Variants in CUX1 observed in about 807,000 individuals in gnomAD.
CUX1 encodes protein CASP.
In CUX1, 31 loss-of-function variants were observed where a neutral mutation model predicts 158.8. The ratio of observed to expected loss-of-function variants is 0.20; its 90% confidence interval spans 0.15 to 0.26. The LOEUF is 0.26. Ranked by LOEUF, CUX1 falls within the 10% of genes least tolerant of loss-of-function variation. The probability of loss-of-function intolerance (pLI) is 1.00; values close to 1 mark genes in which losing one functional copy is unlikely to be tolerated. For missense variants in CUX1, 1,589 were observed against 2,014.6 expected (o/e 0.79, Z 4.04); for synonymous variants, 879 against 862.1 (o/e 1.02, Z -0.34).
Position 102,252,367 on chromosome 7 carries a change from G to A in CUX1, c.*3325G>A. On this transcript the variant is annotated 3_prime_UTR_variant, in exon 24 of 24. Coordinates refer to ENST00000292535, the MANE Select transcript of CUX1 (RefSeq NM_181552.4). Reference sequence around the variant, plus strand: ...CTTCAGCAGGCTGGCATTCCAAGCAGTGGCCCCCGCAGGCAGCCGACCCCC... The same window carrying A: ...CTTCAGCAGGCTGGCATTCCAAGCAATGGCCCCCGCAGGCAGCCGACCCCC... The A allele has an allele frequency of 1.0e-6, 1 of 985,524 alleles. No individual in the cohort carries two copies. The highest frequency in any genetic ancestry group is 1.2e-6 in the Non-Finnish European group (1 of 830,014). 61.0% of individuals were successfully genotyped at this position (985,524 alleles called of 1,614,324 possible). A position where few individuals can be genotyped will look rare whatever the true frequency, so the allele number is the denominator to read the frequency against.
chr7:102,239,241 C>G, intron 22 of CUX1, 79 bp from the exon 23 acceptor site: 5 of 1,476,040 alleles, frequency 3.4e-6, no homozygotes, highest in South Asian at 1.3e-5. Flanking sequence ...GGCACTGTGC[C>G]GTCCCGCTAG....
intron 3 of CUX1, among the ~76,000 whole-genome samples, chr7:102,066,958 G>A (rs1212785572): frequency 6.6e-6 from 1 of 152,144 alleles, no homozygotes; most frequent in Non-Finnish European, 1.5e-5. Flanking sequence ...ATACACACAC[G>A]CGTTTTAAGC....
intron 8 of CUX1, among the ~76,000 whole-genome samples, chr7:102,151,373 T>C (rs898280983): frequency 5.9e-5 from 9 of 151,998 alleles, no homozygotes; most frequent in African/African-American, 1.9e-4. Flanking sequence ...GCCAACACGA[T>C]AAAACCCCGT....
intron 1 of CUX1, among the ~76,000 whole-genome samples, chr7:101,898,424 G>A (rs994747057): frequency 4.6e-5 from 7 of 152,126 alleles, no homozygotes; most frequent in South Asian, 2.1e-4. Flanking sequence ...GGCAGCCGCC[G>A]GGACGGGGAA....
At position 102,251,109 on chromosome 7, in the gene CUX1, G is replaced by T; in HGVS notation, c.*2067G>T. ...ATTTACAAGATGTAGTTGTCATACT[G>T]TATATTACTGATTGAAAACTTTTTG... On this transcript the variant is annotated 3_prime_UTR_variant, in exon 24 of 24. Coordinates refer to ENST00000292535, the MANE Select transcript of CUX1 (RefSeq NM_181552.4). The T allele has an allele frequency of 7.1e-6, 7 of 985,236 alleles. No individual in the cohort carries two copies. Among genetic ancestry groups the T allele is most frequent in the Non-Finnish European group, 8.4e-6 (7 of 829,830 alleles). 61.0% of individuals were successfully genotyped at this position (985,236 alleles called of 1,614,324 possible).
rs1453350140 is a variant in CUX1 at position 101,817,735 on chromosome 7, G to T, written c.30+66G>T. The T allele has an allele frequency of 1.3e-6, 2 of 1,535,706 alleles. No homozygotes were observed. The highest frequency in any genetic ancestry group is 2.5e-5 in the East Asian group (1 of 40,568). On this transcript the variant is annotated intron_variant, in intron 1 of 23. Transcript: ENST00000292535. The surrounding 1 kb of genome is among the most constrained non-coding windows in gnomAD (Gnocchi z 4.1). The stretch of plus-strand genomic sequence containing the variant: ...CGGAGGGAACCGGGGATGTCGGGGG[G>T]TGCCCGGGTCCCGCGGCTTAGAATG...
chr7:102,067,703 G>A (rs1825700250), intron 3 of CUX1, among the ~76,000 whole-genome samples: 1 of 151,766 alleles, frequency 6.6e-6, no homozygotes, highest in Non-Finnish European at 1.5e-5. Context: ...TAATAATGGG[G>A]GAGGGGGTTA....
chr7:102,245,087 G>A (rs1800663439), intron 23 of CUX1, among the ~76,000 whole-genome samples: 1 of 152,216 alleles, frequency 6.6e-6, no homozygotes, highest in Non-Finnish European at 1.5e-5. Context: ...CTGTCGCCGA[G>A]GCTGGAGTGC....
chr7:102,241,754 T>C (rs1173444035), intron 23 of CUX1, among the ~76,000 whole-genome samples: 1 of 152,238 alleles, frequency 6.6e-6, no homozygotes, highest in Non-Finnish European at 1.5e-5. Flanking sequence ...TTCCCCACAA[T>C]GGCAGCCCTG....
rs184828734 is a variant in CUX1, at chr7:102,149,847, G to A, written c.675-8713G>A. Among the ~76,000 whole-genome samples the A allele has an allele frequency of 1.7e-3, 254 of 152,142 alleles. 1 individual carries two copies. Among genetic ancestry groups the A allele is most frequent in the African/African-American group, 6.0e-3 (247 of 41,502 alleles). On this transcript the variant is annotated intron_variant, in intron 8 of 23. Transcript: ENST00000292535. ...CTCAGAGCCTGGCCCTGTCTCCACC[G>A]CTTCAGCAACCTGCTCTTTCTGGAC...
intron 2 of CUX1, among the ~76,000 whole-genome samples, chr7:101,948,465 T>G (rs1485073171): frequency 6.6e-6 from 1 of 152,186 alleles, no homozygotes; most frequent in Non-Finnish European, 1.5e-5. Flanking sequence ...GTCGAGCCTT[T>G]AAAATAAGGG....
chr7:101,987,307 T>G (rs1814440429), intron 2 of CUX1, among the ~76,000 whole-genome samples: 1 of 152,116 alleles, frequency 6.6e-6, no homozygotes, highest in African/African-American at 2.4e-5. Context: ...AATGTGGAAC[T>G]CCCCAAGCTA....
chr7:102,184,380 C>T (rs1414744113), intron 11 of CUX1, among the ~76,000 whole-genome samples: 1 of 152,168 alleles, frequency 6.6e-6, no homozygotes, highest in Admixed American at 6.5e-5. Context: ...ATGTGGGCTC[C>T]GTGTATCTTT....
intron 1 of CUX1, among the ~76,000 whole-genome samples, chr7:101,858,436 T>C (rs1160132998): frequency 6.6e-6 from 1 of 152,124 alleles, no homozygotes; most frequent in Non-Finnish European, 1.5e-5. Flanking sequence ...CCTCCCGCCT[T>C]CCCTGACTTT....
At position 102,164,029 on chromosome 7, in the gene CUX1, G is replaced by A. The variant is rs57592310; in HGVS notation, c.723+5421G>A. On this transcript the variant is annotated intron_variant, in intron 9 of 23. Coordinates refer to ENST00000292535, the MANE Select transcript of CUX1 (RefSeq NM_181552.4). ...CAGGGCACTGGCATAAATACTCACT[G>A]TCCCAATTGGTGACAGTAAAGGATC... Among the ~76,000 whole-genome samples, 568 of 152,344 alleles carry A rather than the reference G, an allele frequency of 3.7e-3. 2 individuals are homozygous for A. The highest frequency in any genetic ancestry group is 0.013 in the African/African-American group (551 of 41,572).
chr7:102,018,559 C>T (rs894766078), intron 2 of CUX1, among the ~76,000 whole-genome samples: 4 of 152,182 alleles, frequency 2.6e-5, no homozygotes, highest in Non-Finnish European at 5.9e-5. Flanking sequence ...CAGATGCCAA[C>T]GAGGCTCTGG....
chr7:101,847,344 T>C (rs1795804925), intron 1 of CUX1, among the ~76,000 whole-genome samples: 2 of 152,152 alleles, frequency 1.3e-5, no homozygotes, highest in Admixed American at 6.5e-5. Context: ...ACCTGGGGTT[T>C]TGGAGATGAC....
At position 101,854,168 on chromosome 7, in the gene CUX1, C is replaced by T. The variant is rs113420336; in HGVS notation, c.30+36499C>T. Among the ~76,000 whole-genome samples, 861 of 152,236 alleles carry T rather than the reference C, an allele frequency of 5.7e-3. 5 individuals are homozygous for T. The highest frequency in any genetic ancestry group is 9.4e-3 in the Non-Finnish European group (637 of 68,020). On this transcript the variant is annotated intron_variant, in intron 1 of 23. Coordinates refer to ENST00000292535, the MANE Select transcript of CUX1 (RefSeq NM_181552.4). ...TCGTCTGCCATGTTGAACTGGATGT[C>T]GGACAATTCTGAAATGTGTGCATGG...
At chr7:102,157,437 G>C (rs7800374) in intron 8 of CUX1, among the ~76,000 whole-genome samples, 10,222 of 152,206 alleles carry the variant, frequency 0.067, 482 homozygotes, top group African/African-American at 0.12. Flanking sequence ...GCCCGGGTGT[G>C]CTGCTCTAAC....
Sources: allele counts gnomAD v4.1 joint callset (sites outside exome capture counted in the v4.1 genomes callset), GRCh38; gene constraint gnomAD v4.1.1; non-coding constraint Gnocchi (gnomAD v3.1); transcripts MANE v1.5; gene names NCBI Gene and HGNC (gene_info 2026-07-23, HGNC 2026-07-21).